The following COP1 variants were observed in gnomAD, a reference collection of about 807,000 sequenced individuals.
COP1 encodes COP1 E3 ubiquitin ligase.
A neutral mutation model predicts 101.3 loss-of-function variants in COP1; 24 were observed. The ratio of observed to expected loss-of-function variants is 0.24; its 90% CI spans 0.17 to 0.33. The LOEUF is 0.33. Ranked by LOEUF, COP1 falls within the 10% of genes least tolerant of loss-of-function variation. COP1 has a pLI of 1.00. For synonymous variants in COP1, 347 were observed against 341.9 expected (o/e 1.01, Z -0.17); for missense variants, 663 against 906.2 (o/e 0.73, Z 3.45).
intron 11 of COP1, among the ~76,000 whole-genome samples, chr1:176,068,061 A>G (rs775327269): frequency 6.6e-6 from 1 of 152,244 alleles, no homozygotes. Context: ...GGGTGATGCT[A>G]TGCATGTGCG....
At chr1:176,032,973 A>C (rs1197500403) in intron 14 of COP1, among the ~76,000 whole-genome samples, 1 of 152,230 alleles carries the variant, frequency 6.6e-6, no homozygotes, top group East Asian at 1.9e-4. Context: ...AATAACTGTT[A>C]TCATAATGCT....
At chr1:175,945,980 T>A (rs190188347) in intron 19 of COP1, among the ~76,000 whole-genome samples, 1 of 152,336 alleles carries the variant, frequency 6.6e-6, no homozygotes, top group Admixed American at 6.5e-5. Flanking sequence ...TGGGATCCTA[T>A]GAGAACCTAT....
At chr1:176,204,365 GT>G (rs1700608245) in intron 1 of COP1, among the ~76,000 whole-genome samples, 2 of 151,938 alleles carry the variant, frequency 1.3e-5, no homozygotes, top group South Asian at 4.1e-4. Context: ...CTTGGGCTTC[GT>G]TTAAATATAA....
At chr1:175,997,371 T>C (rs1208318240) in intron 15 of COP1, among the ~76,000 whole-genome samples, 11 of 151,866 alleles carry the variant, frequency 7.2e-5, no homozygotes, top group Non-Finnish European at 1.6e-4. Flanking sequence ...CCAAAAGCAA[T>C]GGCAACAAAA....
chr1:176,130,601 G>A (rs1349728913), intron 8 of COP1, among the ~76,000 whole-genome samples: 2 of 151,632 alleles, frequency 1.3e-5, no homozygotes, highest in Non-Finnish European at 3.0e-5. Flanking sequence ...ATGAAGCATG[G>A]CTGATAGCTT....
chr1:176,149,041 C>T lies in COP1; in HGVS notation c.796G>A (p.Glu266Lys), dbSNP rs1408324704. 6.3e-7 allele frequency: 1 copy of T among 1,588,278 alleles called. No homozygotes were observed. ...TTTCTTCTTGCAACCTTGAGGAATTCCATAAGAATCTGTAGTTGGGCTGCA... is the reference window on the plus strand; with the variant it reads ...TTTCTTCTTGCAACCTTGAGGAATTTCATAAGAATCTGTAGTTGGGCTGCA... ...SHAAQLQILMEFLKVARRNKR... is the reference protein window; with the variant it reads ...SHAAQLQILMKFLKVARRNKR... The change falls in exon 6 of 20, where the codon GAA becomes AAA. Residue 266 changes from glutamate to lysine, a missense_variant. By Grantham distance (56) the Glu-to-Lys change is moderately conservative. This residue lies in a region of COP1 where 212 missense variants were observed against 240.7 expected (regional missense o/e 0.88). Coordinates refer to ENST00000367669, the MANE Select transcript of COP1 (RefSeq NM_022457.7).
chr1:176,129,021 A>G (rs571091598), intron 8 of COP1, among the ~76,000 whole-genome samples: 2 of 152,062 alleles, frequency 1.3e-5, no homozygotes, highest in African/African-American at 4.8e-5. Flanking sequence ...ACCAGAGATT[A>G]GTATAGTTGC....
intron 15 of COP1, among the ~76,000 whole-genome samples, chr1:175,994,818 C>A (rs571189533): frequency 6.6e-6 from 1 of 152,254 alleles, no homozygotes; most frequent in East Asian, 1.9e-4. Context: ...ACGCCACTGT[C>A]AACATTAGAC....
chr1:176,091,857 T>C (rs2502830), intron 9 of COP1, among the ~76,000 whole-genome samples: 1 of 151,942 alleles, frequency 6.6e-6, no homozygotes, highest in Non-Finnish European at 1.5e-5. Context: ...AATAGTGACA[T>C]AATAGATTTA....
At chr1:176,068,385 T>C (rs1365317456) in intron 11 of COP1, among the ~76,000 whole-genome samples, 1 of 152,142 alleles carries the variant, frequency 6.6e-6, no homozygotes, top group African/African-American at 2.4e-5. Context: ...TAGCACAGAC[T>C]ACAGGATTAG....
At chr1:176,115,684 T>G (rs1486555246) in intron 9 of COP1, among the ~76,000 whole-genome samples, 1 of 151,900 alleles carries the variant, frequency 6.6e-6, no homozygotes, top group Non-Finnish European at 1.5e-5. Context: ...AGGAGGAGGT[T>G]GCAGTGAGCC....
intron 15 of COP1, among the ~76,000 whole-genome samples, chr1:175,999,174 C>T (rs1557882719): frequency 1.3e-5 from 2 of 152,036 alleles, no homozygotes; most frequent in South Asian, 2.1e-4. Flanking sequence ...ATAGTCACCT[C>T]GTTATGCTAC....
chr1:176,002,070 T>C (rs1346893837), intron 15 of COP1, among the ~76,000 whole-genome samples: 1 of 152,062 alleles, frequency 6.6e-6, no homozygotes, highest in East Asian at 1.9e-4. Context: ...TGAGTTTAGG[T>C]GTACATCTTA....
chr1:176,121,509 G>GTTGT (rs954416370), intron 8 of COP1, among the ~76,000 whole-genome samples: 3 of 15,446 alleles, frequency 1.9e-4, no homozygotes, highest in African/African-American at 2.4e-4. Flanking sequence ...TTCTTTAAAT[G>GTTGT]TCGTTTTTTA....
chr1:175,958,286 T>C (rs1358169015), intron 18 of COP1, among the ~76,000 whole-genome samples: 3 of 152,028 alleles, frequency 2.0e-5, no homozygotes, highest in Non-Finnish European at 4.4e-5. Context: ...TTAAAAGTCA[T>C]TATTCATGAT....
chr1:176,040,915 T>C (rs1461366236), intron 14 of COP1, among the ~76,000 whole-genome samples: 1 of 152,048 alleles, frequency 6.6e-6, no homozygotes, highest in Non-Finnish European at 1.5e-5. Flanking sequence ...AATGTTAAGA[T>C]AAAATAAATC....
rs368277289 is a variant in COP1 at position 176,046,130 on chromosome 1, T to C, written c.1421+51A>G. ...AAAATAATCTCATGATAATTACATA[T>C]GCAAATTGTTACATCTATACTGCAT... On this transcript the variant is annotated intron_variant, in intron 12 of 19. Coordinates refer to ENST00000367669, the MANE Select transcript of COP1 (RefSeq NM_022457.7). 8.3e-5 allele frequency: 118 copies of C among 1,421,664 alleles called. 1 individual carries two copies. Among genetic ancestry groups the C allele is most frequent in the East Asian group, 1.6e-4 (7 of 43,406 alleles). The allele number at this position is 1,421,664 out of a possible 1,614,324, so 88.1% of individuals were successfully genotyped here. A position where few individuals can be genotyped will look rare whatever the true frequency, so the allele number is the denominator to read the frequency against.
intron 6 of COP1, among the ~76,000 whole-genome samples, chr1:176,141,369 T>A (rs981055729): frequency 6.6e-6 from 1 of 151,962 alleles, no homozygotes; most frequent in Non-Finnish European, 1.5e-5. Flanking sequence ...GGCGTGGTGG[T>A]AGGCACCTGT....
chr1:176,052,788 T>G (rs940958491), intron 11 of COP1, among the ~76,000 whole-genome samples: 3 of 152,188 alleles, frequency 2.0e-5, no homozygotes, highest in Non-Finnish European at 4.4e-5. Flanking sequence ...TATTTGGTTT[T>G]TTTCAATTAA....
Sources: gnomAD v4.1 joint callset for allele counts (sites outside exome capture counted in the v4.1 genomes callset) on GRCh38, gnomAD v4.1.1 for gene constraint, gnomAD v4.1.1 regional missense constraint, MANE v1.5 for transcripts, NCBI Gene and HGNC (gene_info 2026-07-23, HGNC 2026-07-21) for gene names.